Variants in CD163L1 observed in about 807,000 individuals in gnomAD.
The protein encoded by CD163L1 is CD163 molecule like 1, also known as scavenger receptor cysteine-rich type 1 protein M160.
CD163L1 carries 124 observed loss-of-function variants against 165.4 expected under a neutral mutation model. The ratio of observed to expected loss-of-function variants is 0.75; its 90% confidence interval spans 0.65 to 0.87. CD163L1 has a LOEUF of 0.87. Among genes scored for constraint, CD163L1 ranks in the 40% least tolerant of loss-of-function variants. The pLI is 0.00. For synonymous variants in CD163L1, 585 were observed against 662.2 expected, an observed-to-expected ratio of 0.88 and a Z score of 1.79; for missense variants, 1,525 against 1,799.9, an observed-to-expected ratio of 0.85 and a Z score of 2.76.
intron 4 of CD163L1, among the ~76,000 whole-genome samples, chr12:7,349,627 G>C (rs944324020): frequency 1.3e-5 from 2 of 152,166 alleles, no homozygotes; most frequent in African/African-American, 4.8e-5. Flanking sequence ...CACACCAAAC[G>C]ATCTGACTCA....
At chr12:7,407,581 T>G (rs1484275005) in intron 4 of CD163L1, among the ~76,000 whole-genome samples, 3 of 151,140 alleles carry the variant, frequency 2.0e-5, no homozygotes, top group Admixed American at 2.0e-4. Flanking sequence ...TCATATGTAG[T>G]GGTCAATTTT....
intron 9 of CD163L1, among the ~76,000 whole-genome samples, chr12:7,378,274 C>T (rs1947313384): frequency 6.6e-6 from 1 of 152,056 alleles, no homozygotes; most frequent in Admixed American, 6.6e-5. Context: ...CCGTATCTTC[C>T]CTAGAATTAT....
At chr12:7,352,158 T>C (rs567780170), downstream of CD163L1, among the ~76,000 whole-genome samples, 9 of 152,208 alleles carry the variant, frequency 5.9e-5, no homozygotes, top group African/African-American at 2.2e-4. Flanking sequence ...ATGAACAGAT[T>C]GACAAATCCT....
intron 8 of CD163L1, among the ~76,000 whole-genome samples, chr12:7,381,841 T>A (rs1947414878): frequency 6.6e-6 from 1 of 151,934 alleles, no homozygotes; most frequent in South Asian, 2.1e-4. Context: ...CATATTTCAC[T>A]GCTTTGTAGC....
chr12:7,391,566 G>T (rs780214305), intron 8 of CD163L1, among the ~76,000 whole-genome samples: 1 of 152,264 alleles, frequency 6.6e-6, no homozygotes, highest in African/African-American at 2.4e-5. Context: ...TGAGAACTTT[G>T]TGATACATGC....
At chr12:7,336,889 C>T in the CD163L1 span, among the ~76,000 whole-genome samples, 2 of 152,054 alleles carry the variant, frequency 1.3e-5, no homozygotes, top group East Asian at 3.9e-4. Context: ...AAGAGCAAAG[C>T]TGGAGGCATC....
At chr12:7,380,327 A>ATGTATACGCGTATACATACATGTATGTG (rs1947361519) in intron 8 of CD163L1, among the ~76,000 whole-genome samples, 1 of 47,134 alleles carries the variant, frequency 2.1e-5, no homozygotes, top group East Asian at 4.5e-4. Flanking sequence ...ACATATATGT[A>ATGTATACGCGTATACATACATGTATGTG]TGTATACACG....
At position 7,347,661 on chromosome 12, in the gene CD163L1, G is replaced by A. The variant is rs971617226; in HGVS notation, c.*25-514C>T. On this transcript the variant is annotated intron_variant, in intron 4 of 4. Coordinates refer to the CD163L1 transcript ENST00000539726. The surrounding 1 kb of genome is among the most constrained non-coding windows in gnomAD (Gnocchi z 4.2). ...CGGGCGCCTGTAGTCCCAGCTACTC[G>A]GAGAGGCTGAGGCAGGAGAATGGCG... 2.0e-5 allele frequency among the ~76,000 whole-genome samples: 3 copies of A among 152,006 alleles called. No individual in the cohort carries two copies. Among genetic ancestry groups the A allele is most frequent in the Admixed American group, 6.5e-5 (1 of 15,282 alleles).
At chr12:7,420,985 G>GTATATATATACATATATATATATACGTA (rs1159351254) in intron 4 of CD163L1, among the ~76,000 whole-genome samples, 21 of 133,670 alleles carry the variant, frequency 1.6e-4, no homozygotes, top group African/African-American at 5.9e-4. Context: ...AGAAATTGTG[G>GTATATATATACATATATATATATACGTA]TATATATATA....
At chr12:7,365,457 A>G (rs1007053023) in intron 18 of CD163L1, among the ~76,000 whole-genome samples, 1 of 152,160 alleles carries the variant, frequency 6.6e-6, no homozygotes, top group Admixed American at 6.5e-5. Context: ...CAAAGGAAAC[A>G]ATCAACAAAG....
At chr12:7,359,533 A>C (rs2136381017) in intron 18 of CD163L1, among the ~76,000 whole-genome samples, 1 of 152,264 alleles carries the variant, frequency 6.6e-6, no homozygotes, top group Admixed American at 6.5e-5. Flanking sequence ...GTGAATGAGA[A>C]ATAAAAGATT....
At chr12:7,397,045 A>G (rs1314167535) in intron 7 of CD163L1, among the ~76,000 whole-genome samples, 1 of 152,198 alleles carries the variant, frequency 6.6e-6, no homozygotes, top group Non-Finnish European at 1.5e-5. Context: ...TAAAAATTTA[A>G]TGACACTAAT....
Position 7,433,604 on chromosome 12 carries a change from A to G in CD163L1, c.215T>C (p.Val72Ala). The change falls in exon 3 of 20, where the codon GTG becomes GCG. Residue 72 changes from valine (V) to alanine (A), a missense_variant. Transcript: ENST00000313599. ...EVKFQGQWGTVCDDGWNTTAS... is the reference protein window; with the variant it reads ...EVKFQGQWGTACDDGWNTTAS... ...AGTAGTGTTCCACCCATCATCACAC[A>G]CAGTCCCCCACTGTCCCTGGAATTT... 6.2e-7 allele frequency: 1 copy of G among 1,614,140 alleles called. No individual in the cohort carries two copies. The highest frequency in any genetic ancestry group is 1.7e-5 in the Admixed American group (1 of 60,012).
At chr12:7,342,555 T>C (rs1946644393), downstream of CD163L1, among the ~76,000 whole-genome samples, 2 of 152,226 alleles carry the variant, frequency 1.3e-5, no homozygotes, top group African/African-American at 4.8e-5. Context: ...CTTGTGTGTG[T>C]CTTTAATTCC....
Position 7,432,835 on chromosome 12 carries a change from G to T in CD163L1, c.446-99C>A, listed in dbSNP as rs749417322. 1.3e-4 allele frequency: 134 copies of T among 1,002,842 alleles called. No homozygotes were observed. The highest frequency in any genetic ancestry group is 2.5e-4 in the Admixed American group (8 of 32,586). 62.1% of individuals were successfully genotyped at this position (1,002,842 alleles called of 1,614,324 possible). ...AGAAGACAGCCCTGTTATGAATGAA[G>T]TTACCAAAAATTAAAAAAAAATAAC... On this transcript the variant is annotated intron_variant, in intron 3 of 19. Transcript: ENST00000313599. This position sits in a 1 kb window ranked among gnomAD's most constrained non-coding sequence, Gnocchi z 4.2.
At position 7,368,974 on chromosome 12, in the gene CD163L1, G is replaced by C. The variant is rs1947084879; in HGVS notation, c.4040-9C>G. 2 of 1,608,840 alleles carry C rather than the reference G, an allele frequency of 1.2e-6. No individual in the cohort carries two copies. Among genetic ancestry groups the C allele is most frequent in the Non-Finnish European group, 1.7e-6 (2 of 1,176,132 alleles). On this transcript the variant is annotated splice_polypyrimidine_tract_variant and intron_variant, in intron 15 of 19. Transcript: ENST00000313599. This position sits in a 1 kb window ranked among gnomAD's most constrained non-coding sequence, Gnocchi z 4.3. ...TGATTTCAGCGACTGTCCTGAGAGA[G>C]AGAGAGAGAGAGAGAGACGTAAATG...
At chr12:7,404,627 T>A (rs1351195471) in intron 5 of CD163L1, among the ~76,000 whole-genome samples, 1 of 152,194 alleles carries the variant, frequency 6.6e-6, no homozygotes, top group East Asian at 1.9e-4. Flanking sequence ...ATAATTTCTA[T>A]GTCTCATCTC....
the CD163L1 span, among the ~76,000 whole-genome samples, chr12:7,331,852 C>T: frequency 2.6e-5 from 4 of 152,060 alleles, no homozygotes; most frequent in Non-Finnish European, 4.4e-5. Flanking sequence ...GCAGAAAAAC[C>T]GGAAAATCTA....
chr12:7,358,135 C>A (rs1591868759), intron 18 of CD163L1, among the ~76,000 whole-genome samples: 1 of 152,126 alleles, frequency 6.6e-6, no homozygotes, highest in Non-Finnish European at 1.5e-5. Context: ...ATTGGAGAGA[C>A]AGACAGGCAG....
Sources: allele counts gnomAD v4.1 joint callset (sites outside exome capture counted in the v4.1 genomes callset), GRCh38; gene constraint gnomAD v4.1.1; non-coding constraint Gnocchi (gnomAD v3.1); transcripts MANE v1.5; gene names NCBI Gene and HGNC (gene_info 2026-07-23, HGNC 2026-07-21).